PDGFD: variants seen among roughly 807,000 people sequenced by gnomAD.
PDGFD encodes platelet-derived growth factor D.
A neutral mutation model predicts 44.7 loss-of-function variants in PDGFD; 30 were observed. The observed-to-expected ratio is 0.67, with a 90% CI of 0.50 to 0.91. The LOEUF (loss-of-function observed/expected upper bound fraction) is 0.91. Among genes scored for constraint, PDGFD ranks in the 40% least tolerant of loss-of-function variants. The probability of loss-of-function intolerance (pLI) is 0.00; values close to 1 mark genes in which losing one functional copy is unlikely to be tolerated. For missense variants in PDGFD, 445 were observed against 457.8 expected (o/e 0.97, Z 0.25); for synonymous variants, 173 against 168.4 (o/e 1.03, Z -0.21).
chr11:103,981,789 C>T (rs1056063900), intron 3 of PDGFD, among the ~76,000 whole-genome samples: 1 of 151,714 alleles, frequency 6.6e-6, no homozygotes, highest in South Asian at 2.1e-4. Flanking sequence ...ATTCCAGAGA[C>T]CTGTGACAAT....
chr11:104,161,109 A>G (rs1862381840), intron 1 of PDGFD, among the ~76,000 whole-genome samples: 1 of 152,200 alleles, frequency 6.6e-6, no homozygotes, highest in South Asian at 2.1e-4. Flanking sequence ...AAAGCCTTCA[A>G]GTATGTCTAT....
intron 1 of PDGFD, among the ~76,000 whole-genome samples, chr11:104,028,863 T>C (rs991214915): frequency 1.3e-5 from 2 of 152,026 alleles, no homozygotes; most frequent in African/African-American, 4.8e-5. Flanking sequence ...CATTTAAAGT[T>C]TGTAAAGGAA....
intron 3 of PDGFD, among the ~76,000 whole-genome samples, chr11:103,965,190 C>T (rs1858997202): frequency 6.6e-6 from 1 of 152,028 alleles, no homozygotes; most frequent in African/African-American, 2.4e-5. Context: ...ACGTGAGAAG[C>T]CAGGGGAAAC....
chr11:104,148,624 A>G (rs1264139109), intron 1 of PDGFD, among the ~76,000 whole-genome samples: 1 of 152,132 alleles, frequency 6.6e-6, no homozygotes, highest in South Asian at 2.1e-4. Flanking sequence ...CAGGGGTACA[A>G]GTTCAGGTTT....
chr11:104,067,921 A>G (rs1207379332), intron 1 of PDGFD, among the ~76,000 whole-genome samples: 1 of 152,154 alleles, frequency 6.6e-6, no homozygotes, highest in Non-Finnish European at 1.5e-5. Flanking sequence ...TGGTTGTTCC[A>G]TGGGAATAAT....
At chr11:104,046,407 A>ATGGG (rs1338197499) in intron 1 of PDGFD, among the ~76,000 whole-genome samples, 1 of 147,970 alleles carries the variant, frequency 6.8e-6, no homozygotes, top group African/African-American at 2.5e-5. Context: ...AAAGCAACAG[A>ATGGG]TGGGTAGTTA....
At chr11:104,065,623 G>T (rs761525699) in intron 1 of PDGFD, among the ~76,000 whole-genome samples, 1 of 152,076 alleles carries the variant, frequency 6.6e-6, no homozygotes, top group African/African-American at 2.4e-5. Context: ...AGAAAATTCC[G>T]CATTGCTATT....
chr11:104,109,785 A>G (rs11226164), intron 1 of PDGFD, among the ~76,000 whole-genome samples: 15,645 of 152,042 alleles, frequency 0.1, 953 homozygotes, highest in East Asian at 0.31. Context: ...AAAAAAAAAG[A>G]ATGTTGCAAA....
intron 5 of PDGFD, among the ~76,000 whole-genome samples, chr11:103,930,158 G>A (rs1396868088): frequency 2.6e-5 from 4 of 152,172 alleles, no homozygotes; most frequent in African/African-American, 9.6e-5. Flanking sequence ...CATACAGGCA[G>A]TTTTCTGGAA....
intron 1 of PDGFD, among the ~76,000 whole-genome samples, chr11:104,061,296 T>C (rs1860713219): frequency 6.6e-6 from 1 of 152,082 alleles, no homozygotes; most frequent in African/African-American, 2.4e-5. Flanking sequence ...GTTAAAACTG[T>C]ATCAATTAAG....
chr11:103,914,492 G>A (rs1004020960), intron 6 of PDGFD, among the ~76,000 whole-genome samples: 3 of 152,084 alleles, frequency 2.0e-5, no homozygotes, highest in Admixed American at 6.6e-5. Context: ...AGGACCAGAC[G>A]GATTCACAGC....
chr11:103,934,573 A>G (rs1858457862), intron 5 of PDGFD, among the ~76,000 whole-genome samples: 1 of 152,222 alleles, frequency 6.6e-6, no homozygotes, highest in Non-Finnish European at 1.5e-5. Flanking sequence ...ACAGTTATGC[A>G]TTGCCTGGGA....
chr11:104,002,284 C>A lies in PDGFD; in HGVS notation c.125-2029G>T, dbSNP rs191780700. Reference sequence around the variant, plus strand: ...CTCTGTGTCCCCACCCAAATCTCATCTCTAATTGTAATCCTCACATGTCAG... The same window carrying A: ...CTCTGTGTCCCCACCCAAATCTCATATCTAATTGTAATCCTCACATGTCAG... On this transcript the variant is annotated intron_variant, in intron 1 of 6. Coordinates refer to ENST00000393158, the MANE Select transcript of PDGFD (RefSeq NM_025208.5). 2.0e-5 allele frequency among the ~76,000 whole-genome samples: 3 copies of A among 152,272 alleles called. No homozygotes were observed. The East Asian group carries it at 5.8e-4, about 29-fold the overall frequency.
chr11:104,134,677 C>T (rs1861975325), intron 1 of PDGFD, among the ~76,000 whole-genome samples: 1 of 152,146 alleles, frequency 6.6e-6, no homozygotes, highest in Admixed American at 6.5e-5. Flanking sequence ...AGTGCAAAGT[C>T]AGTATTTCAG....
intron 1 of PDGFD, among the ~76,000 whole-genome samples, chr11:104,089,533 T>C (rs1374690274): frequency 6.6e-6 from 1 of 152,186 alleles, no homozygotes. Context: ...AATAAAATAA[T>C]AGCATATAGT....
chr11:104,040,576 A>G (rs1016381287), intron 1 of PDGFD, among the ~76,000 whole-genome samples: 4 of 152,042 alleles, frequency 2.6e-5, no homozygotes, highest in African/African-American at 9.7e-5. Flanking sequence ...ATCAGGCACT[A>G]TGCAAGGTAC....
intron 3 of PDGFD, among the ~76,000 whole-genome samples, chr11:103,993,379 G>A (rs891462502): frequency 2.6e-5 from 4 of 151,284 alleles, no homozygotes; most frequent in Non-Finnish European, 5.9e-5. Context: ...ACTCGGCCAC[G>A]AACTAATCTT....
At chr11:104,120,268 A>G (rs1861753186) in intron 1 of PDGFD, among the ~76,000 whole-genome samples, 1 of 151,756 alleles carries the variant, frequency 6.6e-6, no homozygotes, top group Non-Finnish European at 1.5e-5. Flanking sequence ...ATTGGCATCT[A>G]TCTGGTTTCC....
chr11:104,074,114 G>A (rs796718848), intron 1 of PDGFD, among the ~76,000 whole-genome samples: 1 of 152,142 alleles, frequency 6.6e-6, no homozygotes, highest in African/African-American at 2.4e-5. Flanking sequence ...CAATAAGCCT[G>A]GGGATAGTCT....
Sources: allele counts gnomAD v4.1 joint callset (sites outside exome capture counted in the v4.1 genomes callset), GRCh38; gene constraint gnomAD v4.1.1; transcripts MANE v1.5; gene names NCBI Gene and HGNC (gene_info 2026-07-23, HGNC 2026-07-21).